The following SUGCT variants were observed in gnomAD, a reference collection of about 807,000 sequenced individuals.
SUGCT encodes the protein succinyl-CoA:glutarate CoA-transferase.
A neutral mutation model predicts 55.0 loss-of-function variants in SUGCT; 41 were observed. The ratio of observed to expected loss-of-function variants is 0.74; its 90% CI spans 0.58 to 0.97. The LOEUF (loss-of-function observed/expected upper bound fraction) is 0.97. Ranked by LOEUF, SUGCT falls within the 50% of genes least tolerant of loss-of-function variation. The probability of loss-of-function intolerance (pLI) is 0.00; values close to 1 mark genes in which losing one functional copy is unlikely to be tolerated. For missense variants in SUGCT, 568 were observed against 547.8 expected (o/e 1.04, Z -0.37); for synonymous variants, 187 against 200.4 (o/e 0.93, Z 0.56).
At chr7:40,637,861 A>G (rs1425039694) in intron 12 of SUGCT, among the ~76,000 whole-genome samples, 1 of 152,272 alleles carries the variant, frequency 6.6e-6, no homozygotes, top group African/African-American at 2.4e-5. Flanking sequence ...TAACGTTTCT[A>G]TACAATCAGC....
intron 12 of SUGCT, among the ~76,000 whole-genome samples, chr7:40,705,613 T>A (rs1366118040): frequency 6.6e-6 from 1 of 152,224 alleles, no homozygotes; most frequent in African/African-American, 2.4e-5. Context: ...GAGCCATTGC[T>A]CCTTCTGATC....
chr7:40,181,125 A>G lies in SUGCT; in HGVS notation c.152+127A>G. The G allele has an allele frequency of 4.1e-6, 3 of 738,316 alleles. No individual in the cohort carries two copies. The Admixed American group carries it at 7.2e-5, about 18-fold the overall frequency. The allele number at this position is 738,316 out of a possible 1,614,324, so 45.7% of individuals were successfully genotyped here. On this transcript the variant is annotated intron_variant, in intron 2 of 13. Coordinates refer to ENST00000335693, the MANE Select transcript of SUGCT (RefSeq NM_001193313.2). ...AAATTTTAGAGAAGAAAATAAGAAAAGAAAAATTGCTGTAATATCATCATT... is the reference window on the plus strand; with the variant it reads ...AAATTTTAGAGAAGAAAATAAGAAAGGAAAAATTGCTGTAATATCATCATT...
intron 12 of SUGCT, among the ~76,000 whole-genome samples, chr7:40,736,315 T>G (rs913723229): frequency 6.8e-6 from 1 of 147,316 alleles, no homozygotes; most frequent in African/African-American, 2.5e-5. Flanking sequence ...TTATATCTTA[T>G]AATACATTAT....
the SUGCT span, among the ~76,000 whole-genome samples, chr7:40,886,978 A>C: frequency 6.6e-6 from 1 of 152,188 alleles, no homozygotes; most frequent in Admixed American, 6.5e-5. Context: ...GGGATCTCCT[A>C]CTTCCGTTTC....
At chr7:40,221,648 G>A (rs948910711) in intron 6 of SUGCT, among the ~76,000 whole-genome samples, 7 of 150,988 alleles carry the variant, frequency 4.6e-5, no homozygotes, top group East Asian at 2.0e-4. Context: ...GTGCCACCAC[G>A]CCTGGCTAAT....
At chr7:40,915,856 T>G in the SUGCT span, among the ~76,000 whole-genome samples, 1 of 152,248 alleles carries the variant, frequency 6.6e-6, no homozygotes, top group South Asian at 2.1e-4. Flanking sequence ...TACTAATGTT[T>G]CCCATCGCAC....
chr7:40,933,293 G>A, the SUGCT span, among the ~76,000 whole-genome samples: 3 of 152,124 alleles, frequency 2.0e-5, no homozygotes, highest in South Asian at 2.1e-4. Context: ...GGTTTCTGCC[G>A]AGAGATCTGC....
intron 12 of SUGCT, among the ~76,000 whole-genome samples, chr7:40,620,651 C>T (rs985617970): frequency 1.3e-5 from 2 of 152,134 alleles, no homozygotes; most frequent in African/African-American, 4.8e-5. Flanking sequence ...GATCCATCCA[C>T]CTGAGCCTCC....
At chr7:40,904,068 C>T in the SUGCT span, among the ~76,000 whole-genome samples, 11 of 152,282 alleles carry the variant, frequency 7.2e-5, no homozygotes, top group East Asian at 1.7e-3. Flanking sequence ...GCAGGGTTCT[C>T]GCCAGCAATC....
chr7:40,918,975 A>C, the SUGCT span, among the ~76,000 whole-genome samples: 1 of 152,188 alleles, frequency 6.6e-6, no homozygotes, highest in Non-Finnish European at 1.5e-5. Context: ...GAGAAAAGTT[A>C]CCTCACAAGT....
intron 6 of SUGCT, among the ~76,000 whole-genome samples, chr7:40,214,388 A>C (rs1203016108): frequency 6.6e-6 from 1 of 152,290 alleles, no homozygotes; most frequent in African/African-American, 2.4e-5. Flanking sequence ...TTTATAATAT[A>C]TTACATAATA....
chr7:40,729,137 G>T (rs1027588513), intron 12 of SUGCT, among the ~76,000 whole-genome samples: 12 of 152,146 alleles, frequency 7.9e-5, no homozygotes, highest in Admixed American at 7.9e-4. Flanking sequence ...ATTCTAGTCT[G>T]TGATACCTAA....
chr7:40,494,512 A>T (rs964436206), intron 11 of SUGCT, among the ~76,000 whole-genome samples: 2 of 152,216 alleles, frequency 1.3e-5, no homozygotes, highest in Admixed American at 6.5e-5. Context: ...TATATTTAGA[A>T]GTGAAGTATT....
intron 6 of SUGCT, among the ~76,000 whole-genome samples, chr7:40,236,621 A>T (rs1324503199): frequency 6.6e-6 from 1 of 152,092 alleles, no homozygotes; most frequent in Non-Finnish European, 1.5e-5. Context: ...AACTTTGTAT[A>T]TTAGCTTAAC....
the SUGCT span, among the ~76,000 whole-genome samples, chr7:41,009,823 T>C: frequency 3.3e-5 from 5 of 152,212 alleles, no homozygotes; most frequent in African/African-American, 1.2e-4. Context: ...TGTGTTAAGT[T>C]TGAGAAACTC....
intron 11 of SUGCT, among the ~76,000 whole-genome samples, chr7:40,464,204 T>G (rs1327546875): frequency 1.3e-5 from 2 of 152,360 alleles, no homozygotes; most frequent in Non-Finnish European, 2.9e-5. Flanking sequence ...CCAACATTTA[T>G]TGGCCATTGA....
intron 12 of SUGCT, among the ~76,000 whole-genome samples, chr7:40,556,967 A>G (rs1300956859): frequency 6.6e-6 from 1 of 152,210 alleles, no homozygotes; most frequent in Non-Finnish European, 1.5e-5. Context: ...TGCAACCTCT[A>G]TCAAAATCCC....
chr7:40,492,501 G>A (rs1791743241), intron 11 of SUGCT, among the ~76,000 whole-genome samples: 1 of 152,124 alleles, frequency 6.6e-6, no homozygotes, highest in Admixed American at 6.6e-5. Flanking sequence ...GTTCCTTGTT[G>A]CAAGAAGAAA....
chr7:40,828,599 A>T (rs1420854140), intron 13 of SUGCT, among the ~76,000 whole-genome samples: 1 of 151,868 alleles, frequency 6.6e-6, no homozygotes, highest in Non-Finnish European at 1.5e-5. Flanking sequence ...AAAAAACTCA[A>T]GAACACAATG....
Sources: gnomAD v4.1 joint callset for allele counts (sites outside exome capture counted in the v4.1 genomes callset) on GRCh38, gnomAD v4.1.1 for gene constraint, MANE v1.5 for transcripts, NCBI Gene and HGNC (gene_info 2026-07-23, HGNC 2026-07-21) for gene names.